The following MRPL12 variants were observed in gnomAD, a reference collection of about 807,000 sequenced individuals.
The protein encoded by MRPL12 is mitochondrial ribosomal protein L12, also known as large ribosomal subunit protein bL12m.
Under a neutral mutation model 21.1 loss-of-function variants are expected in MRPL12, and 13 were observed. That is an observed-to-expected ratio of 0.62 (90% CI 0.40 to 0.98). MRPL12 has a LOEUF of 0.98. Among genes scored for constraint, MRPL12 ranks in the 50% least tolerant of loss-of-function variants. The pLI, the probability that MRPL12 is intolerant of heterozygous loss-of-function variation, is 0.00. For missense variants in MRPL12, 251 were observed against 268.6 expected, an observed-to-expected ratio of 0.93 and a Z score of 0.46; for synonymous variants, 126 against 115.3, an observed-to-expected ratio of 1.09 and a Z score of -0.60.
chr17:81,704,599 G>C (rs1277860688), intron 2 of MRPL12, 34 bp from the exon 3 acceptor site: 1 of 1,611,190 alleles, frequency 6.2e-7, no homozygotes, highest in Non-Finnish European at 8.5e-7. Context: ...CTGGTGTGAG[G>C]GCCAGCTGTG....
chr17:81,703,836 G>T (rs1425223639), intron 1 of MRPL12, among the ~76,000 whole-genome samples: 1 of 152,196 alleles, frequency 6.6e-6, no homozygotes, highest in Non-Finnish European at 1.5e-5. Flanking sequence ...AGCCTTTTCC[G>T]CAGCAAAGGC....
intron 4 of MRPL12, 32 bp from the exon 5 acceptor site, chr17:81,707,092 C>A: frequency 6.2e-7 from 1 of 1,613,734 alleles, no homozygotes. Context: ...GTGGCCAGGG[C>A]CCCCAGTCCC....
chr17:81,705,702 G>A (rs1318773238), intron 3 of MRPL12, among the ~76,000 whole-genome samples: 1 of 152,208 alleles, frequency 6.6e-6, no homozygotes, highest in Non-Finnish European at 1.5e-5. Context: ...AAGGAAACCA[G>A]TGAACTTGAA....
chr17:81,706,910 T>C lies in MRPL12; in HGVS notation c.350T>C (p.Val117Ala). The stretch of plus-strand genomic sequence containing the variant: ...CCTTCTTTCCTGCTCCCTAAGGCGG[T>C]GGAAGAAGATATCCCCATAGCGAAA... ...AVPAAAAQEA[V>A]EEDIPIAKER... Residue 117 changes from valine (V) to alanine (A), a missense_variant, in exon 4 of 5, where the codon GTG (valine) becomes GCG (alanine). Physicochemically the swap from Val to Ala is moderately conservative, Grantham distance 64. Coordinates refer to ENST00000333676, the MANE Select transcript of MRPL12 (RefSeq NM_002949.4). The C allele has an allele frequency of 6.2e-7, 1 of 1,613,716 alleles. No homozygotes were observed. The highest frequency in any genetic ancestry group is 1.3e-5 in the African/African-American group (1 of 75,012).
intron 1 of MRPL12, 81 bp from the exon 2 acceptor site, chr17:81,704,163 C>T: frequency 2.1e-6 from 3 of 1,417,122 alleles, no homozygotes; most frequent in Middle Eastern, 2.6e-4. Context: ...ACCAGTCCCC[C>T]AGTTGTCCTG....
chr17:81,704,193 C>A, intron 1 of MRPL12, 51 bp from the exon 2 acceptor site: 1 of 1,548,280 alleles, frequency 6.5e-7, no homozygotes, highest in African/African-American at 1.4e-5. Context: ...TTTCTGCAGC[C>A]CCTTCCATTC....
intron 3 of MRPL12, among the ~76,000 whole-genome samples, chr17:81,705,108 T>C (rs150108499): frequency 0.073 from 11,004 of 151,572 alleles, 714 homozygotes; most frequent in African/African-American, 0.17. Context: ...CTGGGCCTGG[T>C]GGCACATGCC....
chr17:81,705,567 C>T lies in MRPL12; in HGVS notation c.345+851C>T, dbSNP rs78227874. On this transcript the variant is annotated intron_variant, in intron 3 of 4. Coordinates refer to ENST00000333676, the MANE Select transcript of MRPL12 (RefSeq NM_002949.4). The stretch of plus-strand genomic sequence containing the variant: ...GTAGAAGAGAGCACGGCCTTCCTGG[C>T]GGAGGACGGGGAGGCACCAAGGTCA... Among the ~76,000 whole-genome samples the T allele has an allele frequency of 3.3e-5, 5 of 152,210 alleles. No individual in the cohort carries two copies. The South Asian group carries it at 6.2e-4, about 19-fold the overall frequency.
At chr17:81,704,516 A>T in intron 2 of MRPL12, 86 bp downstream of exon 2, 1 of 1,580,244 alleles carries the variant, frequency 6.3e-7, no homozygotes, top group East Asian at 2.2e-5. Context: ...GGAGTTTGGT[A>T]AATTGTCAAA....
intron 3 of MRPL12, among the ~76,000 whole-genome samples, chr17:81,705,367 G>A (rs2037303616): frequency 7.4e-6 from 1 of 134,398 alleles, no homozygotes; most frequent in Non-Finnish European, 1.5e-5. Flanking sequence ...TTCCAACTTG[G>A]CAACAGAGCA....
chr17:81,707,339 T>G lies in MRPL12; in HGVS notation c.*99T>G, dbSNP rs2037325181. The G allele has an allele frequency of 2.6e-6, 3 of 1,158,428 alleles. No homozygotes were observed. Among genetic ancestry groups the G allele is most frequent in the Non-Finnish European group, 2.4e-6 (2 of 820,770 alleles). The allele number at this position is 1,158,428 out of a possible 1,614,324, so 71.8% of individuals were successfully genotyped here. On this transcript the variant is annotated 3_prime_UTR_variant, in exon 5 of 5. Transcript: ENST00000333676. ...TCCGCCCCCAGCACCAGGCGCCCAGTGGAGCCGTTTGGGAGAATTGCCTGC... is the reference window on the plus strand; with the variant it reads ...TCCGCCCCCAGCACCAGGCGCCCAGGGGAGCCGTTTGGGAGAATTGCCTGC...
rs375795713 is a variant in MRPL12 at position 81,706,863 on chromosome 17, C to T, written c.346-43C>T. 7 of 1,606,372 alleles carry T rather than the reference C, an allele frequency of 4.4e-6. No individual in the cohort carries two copies. The African/African-American group carries it at 8.0e-5, about 18-fold the overall frequency. ...CAGCAGTGGAGGCGTTAGCTCCCCCCAGCCCTTTGTCACCTGGCTCCCCTT... is the reference window on the plus strand; with the variant it reads ...CAGCAGTGGAGGCGTTAGCTCCCCCTAGCCCTTTGTCACCTGGCTCCCCTT... On this transcript the variant is annotated intron_variant, in intron 3 of 4. Coordinates refer to ENST00000333676, the MANE Select transcript of MRPL12 (RefSeq NM_002949.4).
chr17:81,704,875 C>T (rs1215662813), intron 3 of MRPL12, among the ~76,000 whole-genome samples, 159 bp downstream of exon 3: 4 of 152,234 alleles, frequency 2.6e-5, no homozygotes, highest in Non-Finnish European at 2.9e-5. Flanking sequence ...CTCCCTGCCA[C>T]GGATGTGCAC....
Position 81,707,438 on chromosome 17 carries a change from G to A in MRPL12, c.*198G>A, listed in dbSNP as rs1043989517. On this transcript the variant is annotated 3_prime_UTR_variant, in exon 5 of 5. Coordinates refer to ENST00000333676, the MANE Select transcript of MRPL12 (RefSeq NM_002949.4). ...GGAGGGGCGGCTGCTGCCTGGTGAC[G>A]GCACCCGGAGGCCCACCAGGACGCG... 8.7e-5 allele frequency: 50 copies of A among 574,268 alleles called. No homozygotes were observed. The highest frequency in any genetic ancestry group is 9.4e-4 in the Middle Eastern group (2 of 2,118). 35.6% of individuals were successfully genotyped at this position (574,268 alleles called of 1,614,324 possible).
At chr17:81,704,117 G>T in intron 1 of MRPL12, 127 bp from the exon 2 acceptor site, 2 of 894,128 alleles carry the variant, frequency 2.2e-6, no homozygotes. Context: ...GGTAATTTCC[G>T]GCCCTAGTGA....
intron 3 of MRPL12, among the ~76,000 whole-genome samples, chr17:81,705,785 C>T (rs2037307873): frequency 6.6e-6 from 1 of 152,212 alleles, no homozygotes; most frequent in South Asian, 2.1e-4. Flanking sequence ...CCCTTTCCCC[C>T]ACTGGGGAAC....
chr17:81,705,134 T>C (rs2037300938), intron 3 of MRPL12, among the ~76,000 whole-genome samples: 1 of 151,682 alleles, frequency 6.6e-6, no homozygotes, highest in Admixed American at 6.6e-5. Context: ...TCCCAGCTAC[T>C]CGGGAGGCTG....
Position 81,704,283 on chromosome 17 carries a change from G to C in MRPL12, c.114G>C (p.Arg38Ser), listed in dbSNP as rs781708586. The C allele has an allele frequency of 1.7e-5, 27 of 1,612,778 alleles. No individual in the cohort carries two copies. The highest frequency in any genetic ancestry group is 2.2e-5 in the Non-Finnish European group (26 of 1,179,770). Residue 38 changes from arginine to serine, a missense_variant, in exon 2 of 5, where the codon AGG becomes AGC. Coordinates refer to ENST00000333676, the MANE Select transcript of MRPL12 (RefSeq NM_002949.4). ...GTGTCTGTGCCGTGCGACATATGAG[G>C]AGCAGCGGCCATCAGAGGTGTGAGG... ...VPCVCAVRHM[R>S]SSGHQRCEAL...
At chr17:81,705,051 A>G (rs1408448196) in intron 3 of MRPL12, among the ~76,000 whole-genome samples, 1 of 151,414 alleles carries the variant, frequency 6.6e-6, no homozygotes, top group African/African-American at 2.4e-5. Context: ...CCTGGCCAAC[A>G]TGGTAAAACC....
Sources: allele counts gnomAD v4.1 joint callset (sites outside exome capture counted in the v4.1 genomes callset), GRCh38; gene constraint gnomAD v4.1.1; transcripts MANE v1.5; gene names NCBI Gene and HGNC (gene_info 2026-07-23, HGNC 2026-07-21).